The following QPCT variants were observed in gnomAD, a reference collection of about 807,000 sequenced individuals.
QPCT encodes glutaminyl-peptide cyclotransferase.
Under a neutral mutation model 43.4 loss-of-function variants are expected in QPCT, and 44 were observed. The observed-to-expected ratio is 1.01, with a 90% CI of 0.80 to 1.30. QPCT has a LOEUF of 1.30. QPCT is among the 50% of genes most tolerant of loss of function. QPCT has a pLI of 0.00. For missense variants in QPCT, 526 were observed against 436.5 expected, an observed-to-expected ratio of 1.21 and a Z score of -1.83; for synonymous variants, 168 against 168.4, an observed-to-expected ratio of 1.00 and a Z score of 0.02.
intron 2 of QPCT, among the ~76,000 whole-genome samples, chr2:37,356,485 G>T (rs1261854624): frequency 6.6e-6 from 1 of 152,172 alleles, no homozygotes; most frequent in African/African-American, 2.4e-5. Context: ...CTGCTTTAGA[G>T]TCCCTGCCAC....
Position 37,367,380 on chromosome 2 carries a change from C to A in QPCT, c.695C>A (p.Ala232Glu), listed in dbSNP as rs200585577. ...GCATCGACCCCGCACCCACCTGGAG[C>A]GAGAGGCACCAGCCAACTGCATGGC... ...KMASTPHPPGARGTSQLHGMD... is the reference protein window; with the variant it reads ...KMASTPHPPGERGTSQLHGMD... Residue 232 changes from alanine to glutamate, a missense_variant, in exon 4 of 7, where the codon GCG becomes GAG. Physicochemically the swap from Ala to Glu is moderately radical, Grantham distance 107. Coordinates refer to ENST00000338415, the MANE Select transcript of QPCT (RefSeq NM_012413.4). The A allele has an allele frequency of 6.2e-6, 10 of 1,613,650 alleles. No homozygotes were observed. Among genetic ancestry groups the A allele is most frequent in the African/African-American group, 1.3e-5 (1 of 74,884 alleles).
intron 3 of QPCT, among the ~76,000 whole-genome samples, chr2:37,365,730 G>T (rs897877145): frequency 6.6e-6 from 1 of 152,202 alleles, no homozygotes; most frequent in Admixed American, 6.5e-5. Flanking sequence ...AGGGAGACTG[G>T]CATCTGATAT....
chr2:37,359,649 A>C lies in QPCT; in HGVS notation c.337A>C (p.Thr113Pro), dbSNP rs897129020. 5.3e-5 allele frequency: 86 copies of C among 1,614,002 alleles called. No homozygotes were observed. The highest frequency in any genetic ancestry group is 7.1e-5 in the Non-Finnish European group (84 of 1,179,968). The change falls in exon 3 of 7, where the codon ACA becomes CCA. Residue 113 changes from threonine (T) to proline (P), a missense_variant. Thr to Pro is a conservative substitution (Grantham distance 38). Transcript: ENST00000338415. ...GGAAATAGACACCTTCTTGAGTCAG[A>C]CACCCTATGGGTACCGGTCTTTCTC... ...VLEIDTFLSQ[T>P]PYGYRSFSNI...
At chr2:37,364,608 G>A (rs1672918804) in intron 3 of QPCT, among the ~76,000 whole-genome samples, 1 of 152,196 alleles carries the variant, frequency 6.6e-6, no homozygotes, top group Non-Finnish European at 1.5e-5. Context: ...ACTGGATTGC[G>A]ATGTTTGTGT....
In QPCT at chr2:37,359,721, C is replaced by T. The variant is rs970455615; in HGVS notation, c.409C>T (p.Leu137Phe). ...TCCCACTGCTAAACGACATTTGGTC[C>T]TCGCCTGCCACTATGACTCCAAGTA... ...LNPTAKRHLV[L>F]ACHYDSKYFS... is the part of the protein sequence containing the mutation. The change falls in exon 3 of 7, where the codon CTC becomes TTC. Residue 137 changes from leucine (L) to phenylalanine (F), a missense_variant. Physicochemically the swap from Leu to Phe is conservative, Grantham distance 22. Transcript: ENST00000338415. 5.0e-6 allele frequency: 8 copies of T among 1,614,128 alleles called. No individual in the cohort carries two copies. The highest frequency in any genetic ancestry group is 5.9e-6 in the Non-Finnish European group (7 of 1,180,020).
At position 37,347,183 on chromosome 2, in the gene QPCT, T is replaced by TATATATATAAC. The variant is rs1286334821; in HGVS notation, c.120+2342_120+2352dup. Among the ~76,000 whole-genome samples, 326 of 56,708 alleles carry TATATATATAAC rather than the reference T, an allele frequency of 5.7e-3. 20 individuals carry two copies. The highest frequency in any genetic ancestry group is 0.027 in the East Asian group (17 of 632). 37.2% of individuals were successfully genotyped at this position (56,708 alleles called of 152,430 possible). A position where few individuals can be genotyped will look rare whatever the true frequency, so the allele number is the denominator to read the frequency against. On this transcript the variant is annotated intron_variant, in intron 1 of 6. Coordinates refer to ENST00000338415, the MANE Select transcript of QPCT (RefSeq NM_012413.4). ...ATATATAACATATATATATATAACA[T>TATATATATAAC]ATATATATAACATATATATATAACA...
At position 37,372,681 on chromosome 2, in the gene QPCT, G is replaced by A; in HGVS notation, c.941-1G>A. On this transcript the variant is annotated splice_acceptor_variant, in intron 6 of 6. Coordinates refer to ENST00000338415, the MANE Select transcript of QPCT (RefSeq NM_012413.4). LOFTEE classifies it high-confidence loss of function. ...GTTACAAGTTGGTTCTTTCTTAATA[G>A]GTGTTCCAGTTCTGCATCTGATACC... 1.2e-6 allele frequency: 2 copies of A among 1,611,510 alleles called. No homozygotes were observed. Among genetic ancestry groups the A allele is most frequent in the Non-Finnish European group, 1.7e-6 (2 of 1,179,094 alleles).
chr2:37,349,705 CA>C (rs1323442768), intron 1 of QPCT, among the ~76,000 whole-genome samples: 2 of 152,126 alleles, frequency 1.3e-5, no homozygotes, highest in Admixed American at 6.5e-5. Context: ...GTCAGAAATT[CA>C]AAAAGAGCAA....
intron 4 of QPCT, among the ~76,000 whole-genome samples, chr2:37,369,299 A>C (rs1025505036): frequency 1.3e-5 from 2 of 152,238 alleles, no homozygotes; most frequent in African/African-American, 4.8e-5. Flanking sequence ...TTATCATTAC[A>C]GATTAAGGAT....
intron 1 of QPCT, among the ~76,000 whole-genome samples, chr2:37,349,306 C>G (rs1370409337): frequency 6.6e-6 from 1 of 152,192 alleles, no homozygotes; most frequent in Non-Finnish European, 1.5e-5. Context: ...TCATAAGCAT[C>G]AATAGGCCTG....
intron 2 of QPCT, among the ~76,000 whole-genome samples, chr2:37,356,985 G>A (rs758384616): frequency 1.4e-5 from 2 of 146,876 alleles, no homozygotes; most frequent in Non-Finnish European, 3.0e-5. Context: ...CCAGCCTGGC[G>A]ACAGAGTGAG....
At chr2:37,347,084 A>T (rs4444500) in intron 1 of QPCT, among the ~76,000 whole-genome samples, 4 of 126,062 alleles carry the variant, frequency 3.2e-5, no homozygotes, top group Non-Finnish European at 6.5e-5. Context: ...AAATTGTTAA[A>T]CTCCCAGGTG....
Position 37,347,153 on chromosome 2 carries a change from T to TATATATATATATATATATC in QPCT, c.120+2313_120+2314insTATATATCATATATATATA, listed in dbSNP as rs1411776943. ...CTGGGTATGGGGTGTTTTATATATA[T>TATATATATATATATATATC]ATATATATATAACATATATATATAT... is the stretch of plus-strand genomic sequence containing the variant. On this transcript the variant is annotated intron_variant, in intron 1 of 6. Coordinates refer to ENST00000338415, the MANE Select transcript of QPCT (RefSeq NM_012413.4). 1.6e-4 allele frequency among the ~76,000 whole-genome samples: 9 copies of TATATATATATATATATATC among 57,112 alleles called. 3 individuals carry two copies. The highest frequency in any genetic ancestry group is 6.2e-4 in the Admixed American group (2 of 3,246). The allele number at this position is 57,112 out of a possible 152,430, so 37.5% of individuals were successfully genotyped here.
At chr2:37,368,181 T>A (rs967184815) in intron 4 of QPCT, 12 of 162,998 alleles carry the variant, frequency 7.4e-5, no homozygotes, top group African/African-American at 2.9e-4. Context: ...TTGGTTTTGA[T>A]GTGGCATTTT....
intron 3 of QPCT, chr2:37,360,169 G>T: frequency 3.0e-6 from 1 of 331,254 alleles, no homozygotes; most frequent in Non-Finnish European, 5.6e-6. Flanking sequence ...TATGAGAATT[G>T]TGTTTTATAA....
intron 2 of QPCT, among the ~76,000 whole-genome samples, chr2:37,357,890 A>G (rs1414800764): frequency 6.6e-6 from 1 of 152,144 alleles, no homozygotes. Flanking sequence ...GAGGAAAAAA[A>G]AAATAAAAGC....
chr2:37,344,669 C>T lies in QPCT; in HGVS notation c.-63C>T. On this transcript the variant is annotated 5_prime_UTR_variant, in exon 1 of 7. Transcript: ENST00000338415. ...TGGAGAAGAGGGAAGGCGAAGGACG[C>T]GCGTTCCCGGGCTCGTGACCGCCAG... The T allele has an allele frequency of 1.3e-6, 2 of 1,539,378 alleles. No individual in the cohort carries two copies. Among genetic ancestry groups the T allele is most frequent in the Non-Finnish European group, 1.7e-6 (2 of 1,144,418 alleles).
intron 1 of QPCT, among the ~76,000 whole-genome samples, chr2:37,349,639 G>C (rs370221491): frequency 1.3e-5 from 2 of 152,116 alleles, no homozygotes; most frequent in East Asian, 1.9e-4. Context: ...AACAGTTTTG[G>C]TTGTCATAGT....
At chr2:37,354,154 G>A (rs1244083163) in intron 2 of QPCT, among the ~76,000 whole-genome samples, 1 of 152,206 alleles carries the variant, frequency 6.6e-6, no homozygotes, top group East Asian at 1.9e-4. Flanking sequence ...GTGAGCCACC[G>A]CGTCCGGCTG....
Sources: gnomAD v4.1 joint callset for allele counts (sites outside exome capture counted in the v4.1 genomes callset) on GRCh38, gnomAD v4.1.1 for gene constraint, MANE v1.5 for transcripts, NCBI Gene and HGNC (gene_info 2026-07-23, HGNC 2026-07-21) for gene names.